The following KSR2 variants were observed in gnomAD, a reference collection of about 807,000 sequenced individuals.
KSR2 encodes the protein kinase suppressor of ras 2.
A neutral mutation model predicts 107.8 loss-of-function variants in KSR2; 25 were observed. The observed-to-expected ratio is 0.23, with a 90% CI of 0.17 to 0.32. The LOEUF is 0.32. Ranked by LOEUF, KSR2 falls within the 10% of genes least tolerant of loss-of-function variation. The probability of loss-of-function intolerance (pLI) is 1.00; values close to 1 mark genes in which losing one functional copy is unlikely to be tolerated. For synonymous variants in KSR2, 480 were observed against 507.0 expected (o/e 0.95, Z 0.71); for missense variants, 887 against 1,268.9 (o/e 0.70, Z 4.57).
chr12:117,496,135 G>A (rs1873015678), intron 14 of KSR2, among the ~76,000 whole-genome samples: 1 of 152,040 alleles, frequency 6.6e-6, no homozygotes. Flanking sequence ...TGCCCATTAG[G>A]GGCTGTCCCT....
intron 3 of KSR2, among the ~76,000 whole-genome samples, chr12:117,808,429 G>A (rs1891082725): frequency 6.6e-6 from 1 of 151,970 alleles, no homozygotes; most frequent in Admixed American, 6.6e-5. Context: ...AATCAAATGA[G>A]GAAGTTATTT....
chr12:117,495,827 G>T (rs1592927566), intron 14 of KSR2, among the ~76,000 whole-genome samples: 1 of 152,284 alleles, frequency 6.6e-6, no homozygotes, highest in East Asian at 1.9e-4. Context: ...GGCCAAGGTG[G>T]GCGGGGTCAC....
intron 14 of KSR2, among the ~76,000 whole-genome samples, chr12:117,486,480 C>A (rs148905116): frequency 2.4e-4 from 36 of 152,342 alleles, no homozygotes; most frequent in African/African-American, 8.2e-4. Context: ...CAGCCCCTAG[C>A]ACCGTGACTG....
intron 3 of KSR2, among the ~76,000 whole-genome samples, chr12:117,837,758 C>G (rs1224739422): frequency 6.6e-6 from 1 of 152,146 alleles, no homozygotes; most frequent in Non-Finnish European, 1.5e-5. Flanking sequence ...AACAAAGGCG[C>G]TAAAGAAAGA....
intron 4 of KSR2, among the ~76,000 whole-genome samples, chr12:117,671,575 C>T (rs1486185675): frequency 6.6e-6 from 1 of 152,208 alleles, no homozygotes; most frequent in African/African-American, 2.4e-5. Context: ...ACATCACATT[C>T]CCTTCTAATT....
chr12:117,564,147 G>A (rs150841560), intron 7 of KSR2, among the ~76,000 whole-genome samples: 139 of 152,316 alleles, frequency 9.1e-4, no homozygotes, highest in African/African-American at 3.2e-3. Flanking sequence ...GAAGAGGTGA[G>A]GTGGACACAA....
In KSR2 at chr12:117,582,876, C is replaced by T. The variant is rs1014587788; in HGVS notation, c.1172-517G>A. Among the ~76,000 whole-genome samples, 5 of 152,162 alleles carry T rather than the reference C, an allele frequency of 3.3e-5. No individual in the cohort carries two copies. The South Asian group carries it at 1.0e-3, about 32-fold the overall frequency. On this transcript the variant is annotated intron_variant, in intron 5 of 19. Transcript: ENST00000339824. Reference sequence around the variant, plus strand: ...GTTAGAGTGCAGTGGATTCCCAGTGCCAGCCATGCAAGTGATGCTTTTCTC... The same window carrying T: ...GTTAGAGTGCAGTGGATTCCCAGTGTCAGCCATGCAAGTGATGCTTTTCTC...
At chr12:117,848,162 T>A (rs892930609) in intron 3 of KSR2, among the ~76,000 whole-genome samples, 1 of 151,878 alleles carries the variant, frequency 6.6e-6, no homozygotes, top group Non-Finnish European at 1.5e-5. Flanking sequence ...CTGAAAACCA[T>A]CAAAATGCCA....
intron 4 of KSR2, among the ~76,000 whole-genome samples, chr12:117,744,573 G>C (rs1888334092): frequency 6.6e-6 from 1 of 152,150 alleles, no homozygotes; most frequent in Non-Finnish European, 1.5e-5. Flanking sequence ...GGTTTTCTAA[G>C]TTGGCTAGCA....
At chr12:117,705,482 G>A (rs1886487451) in intron 4 of KSR2, among the ~76,000 whole-genome samples, 1 of 152,170 alleles carries the variant, frequency 6.6e-6, no homozygotes, top group African/African-American at 2.4e-5. Context: ...TGCACTGATT[G>A]GGCCCCCAAG....
At chr12:117,686,980 T>C (rs1197089703) in intron 4 of KSR2, among the ~76,000 whole-genome samples, 1 of 152,174 alleles carries the variant, frequency 6.6e-6, no homozygotes, top group Non-Finnish European at 1.5e-5. Context: ...GCGGGCTGGC[T>C]GGCTGGGTGC....
At chr12:117,656,985 T>G (rs1434321194) in intron 5 of KSR2, among the ~76,000 whole-genome samples, 1 of 18,192 alleles carries the variant, frequency 5.5e-5, no homozygotes, top group Non-Finnish European at 1.7e-4. Context: ...TAATAGGATA[T>G]ATATATATAT....
chr12:117,894,713 C>T (rs1435319581), intron 1 of KSR2, among the ~76,000 whole-genome samples: 2 of 112,016 alleles, frequency 1.8e-5, no homozygotes, highest in Non-Finnish European at 3.5e-5. Context: ...ATCTCCCTCT[C>T]CCCCTTCCCG....
At chr12:117,659,051 T>G (rs2136459254) in intron 5 of KSR2, among the ~76,000 whole-genome samples, 1 of 152,210 alleles carries the variant, frequency 6.6e-6, no homozygotes, top group Middle Eastern at 3.4e-3. Flanking sequence ...TCAACTGATG[T>G]TTTGAAATCA....
At chr12:117,639,563 C>G (rs1883262086) in intron 5 of KSR2, among the ~76,000 whole-genome samples, 1 of 150,476 alleles carries the variant, frequency 6.6e-6, no homozygotes, top group African/African-American at 2.4e-5. Flanking sequence ...CTCCTGACTT[C>G]AAGGACTCCA....
chr12:117,778,575 A>G (rs1889774300), intron 3 of KSR2, among the ~76,000 whole-genome samples: 1 of 152,202 alleles, frequency 6.6e-6, no homozygotes, highest in African/African-American at 2.4e-5. Flanking sequence ...ACCAGAAGAA[A>G]GGGTGGAAGG....
intron 5 of KSR2, among the ~76,000 whole-genome samples, chr12:117,624,164 A>G (rs1358720420): frequency 1.3e-5 from 2 of 152,048 alleles, no homozygotes; most frequent in African/African-American, 4.8e-5. Flanking sequence ...ATTTTCTCCC[A>G]TTTTGTAGGT....
At chr12:117,718,442 C>A (rs1273358477) in intron 4 of KSR2, among the ~76,000 whole-genome samples, 1 of 152,200 alleles carries the variant, frequency 6.6e-6, no homozygotes, top group Non-Finnish European at 1.5e-5. Flanking sequence ...ATAAATACGG[C>A]TTTCAGGGTT....
chr12:117,953,437 A>C (rs1896422457), intron 1 of KSR2, among the ~76,000 whole-genome samples: 1 of 152,278 alleles, frequency 6.6e-6, no homozygotes, highest in African/African-American at 2.4e-5. Context: ...AAAAATGTTC[A>C]ACTTGATAGA....
Sources: allele counts gnomAD v4.1 joint callset (sites outside exome capture counted in the v4.1 genomes callset), GRCh38; gene constraint gnomAD v4.1.1; transcripts MANE v1.5; gene names NCBI Gene and HGNC (gene_info 2026-07-23, HGNC 2026-07-21).